Variants in LARGE1 observed in about 807,000 individuals in gnomAD.
The protein encoded by LARGE1 is LARGE xylosyl- and glucuronyltransferase 1.
Under a neutral mutation model 87.6 loss-of-function variants are expected in LARGE1, and 43 were observed. The observed-to-expected ratio is 0.49, with a 90% CI of 0.38 to 0.63. The LOEUF (loss-of-function observed/expected upper bound fraction) is 0.63, where lower values mean the gene tolerates loss of function less well. Ranked by LOEUF, LARGE1 falls within the 30% of genes least tolerant of loss-of-function variation. LARGE1 has a pLI of 0.00. For synonymous variants in LARGE1, 434 were observed against 394.6 expected, an observed-to-expected ratio of 1.10 and a Z score of -1.18; for missense variants, 802 against 1,000.2, an observed-to-expected ratio of 0.80 and a Z score of 2.67.
At chr22:33,384,396 G>A (rs111383242) in intron 7 of LARGE1, 92 bp from the exon 8 acceptor site, 693 of 909,322 alleles carry the variant, frequency 7.6e-4, no homozygotes, top group African/African-American at 2.4e-3. Context: ...ACAGTCTCTC[G>A]GGGATGATTG....
At chr22:33,551,031 C>A (rs774176223) in intron 6 of LARGE1, among the ~76,000 whole-genome samples, 18 of 151,966 alleles carry the variant, frequency 1.2e-4, no homozygotes, top group South Asian at 2.1e-4. Flanking sequence ...GAAAAACAGA[C>A]AATGGAAACT....
At chr22:33,842,906 G>A (rs895995855) in intron 1 of LARGE1, among the ~76,000 whole-genome samples, 1 of 131,088 alleles carries the variant, frequency 7.6e-6, no homozygotes, top group African/African-American at 2.9e-5. Context: ...TCCCATTCTA[G>A]CACAAACAAA....
intron 6 of LARGE1, among the ~76,000 whole-genome samples, chr22:33,562,005 T>C (rs2077877899): frequency 6.6e-6 from 1 of 152,216 alleles, no homozygotes; most frequent in African/African-American, 2.4e-5. Flanking sequence ...TCTCAAAAAG[T>C]GAAAAATTAG....
chr22:33,918,204 A>G (rs1375847964), intron 1 of LARGE1, among the ~76,000 whole-genome samples: 1 of 152,198 alleles, frequency 6.6e-6, no homozygotes, highest in Non-Finnish European at 1.5e-5. Context: ...TTAAAAGCCA[A>G]AGGAATCTGC....
chr22:33,813,747 T>C (rs920574701), intron 1 of LARGE1, among the ~76,000 whole-genome samples: 6 of 152,152 alleles, frequency 3.9e-5, no homozygotes, highest in African/African-American at 1.4e-4. Flanking sequence ...CATCCTTTTC[T>C]CCATCTTGAC....
intron 13 of LARGE1, among the ~76,000 whole-genome samples, chr22:33,279,441 C>G (rs1164905559): frequency 1.3e-5 from 2 of 152,196 alleles, no homozygotes; most frequent in Non-Finnish European, 2.9e-5. Flanking sequence ...CACTTTCTGG[C>G]AGGGAATGCA....
chr22:33,345,842 C>T (rs954494892), intron 9 of LARGE1, among the ~76,000 whole-genome samples: 8 of 152,230 alleles, frequency 5.3e-5, no homozygotes, highest in African/African-American at 1.9e-4. Context: ...GCCAATACTT[C>T]TGATGCACTT....
the LARGE1 span, among the ~76,000 whole-genome samples, chr22:33,122,086 G>A: frequency 6.6e-6 from 1 of 152,140 alleles, no homozygotes; most frequent in Admixed American, 6.5e-5. Context: ...GAAAATTAAG[G>A]ATCTGGATTG....
At chr22:33,178,784 T>C (rs57464839) in intron 11 of LARGE1, among the ~76,000 whole-genome samples, 4,591 of 152,312 alleles carry the variant, frequency 0.03, 96 homozygotes, top group Admixed American at 0.057. Context: ...CAGTTTATAT[T>C]TGAACACTCA....
intron 2 of LARGE1, among the ~76,000 whole-genome samples, chr22:33,730,999 ATTTTTTT>A (rs376692050): frequency 6.0e-5 from 7 of 115,950 alleles, no homozygotes; most frequent in South Asian, 5.5e-4. Flanking sequence ...CCAGCCTGCA[ATTTTTTT>A]TTTTTTTTTT....
intron 2 of LARGE1, among the ~76,000 whole-genome samples, chr22:33,702,956 C>T (rs1180912525): frequency 6.6e-6 from 1 of 152,056 alleles, no homozygotes; most frequent in Non-Finnish European, 1.5e-5. Context: ...AGGAGTTACC[C>T]TGGCAAAGAA....
chr22:33,294,641 C>G (rs1189125179), intron 12 of LARGE1, among the ~76,000 whole-genome samples: 1 of 152,194 alleles, frequency 6.6e-6, no homozygotes, highest in African/African-American at 2.4e-5. Flanking sequence ...CATGTTGGGT[C>G]TGCATCTTCT....
At chr22:33,284,698 C>A (rs1178179308) in intron 12 of LARGE1, among the ~76,000 whole-genome samples, 1 of 152,120 alleles carries the variant, frequency 6.6e-6, no homozygotes, top group Non-Finnish European at 1.5e-5. Context: ...CTGTCTCAGT[C>A]TCCCGAGTAG....
intron 4 of LARGE1, among the ~76,000 whole-genome samples, chr22:33,625,555 A>G (rs955588042): frequency 6.6e-6 from 1 of 152,226 alleles, no homozygotes; most frequent in Non-Finnish European, 1.5e-5. Context: ...CCCACACCAG[A>G]ATAGAGGAAG....
chr22:33,785,145 A>G (rs569624980), intron 1 of LARGE1, among the ~76,000 whole-genome samples: 1 of 144,140 alleles, frequency 6.9e-6, no homozygotes, highest in East Asian at 2.0e-4. Flanking sequence ...ATACATACAT[A>G]TGTGTATATA....
At chr22:33,357,162 G>T (rs1198049297) in intron 9 of LARGE1, among the ~76,000 whole-genome samples, 1 of 130,040 alleles carries the variant, frequency 7.7e-6, no homozygotes, top group Middle Eastern at 3.7e-3. Flanking sequence ...TGGAGTGTAG[G>T]TATATATATA....
At position 33,728,670 on chromosome 22, in the gene LARGE1, T is replaced by G. The variant is rs150290630; in HGVS notation, c.106+32701A>C. On this transcript the variant is annotated intron_variant, in intron 2 of 14. Transcript: ENST00000397394. ...CACTCCAGGACAGACACACTCCCAG[T>G]AGGCAATGCCTGTTAGGCAGGTAGG... Among the ~76,000 whole-genome samples the G allele has an allele frequency of 5.0e-3, 756 of 151,146 alleles. 4 individuals are homozygous for G. The highest frequency in any genetic ancestry group is 0.014 in the Middle Eastern group (4 of 288).
At chr22:33,467,111 C>G (rs1247082706) in intron 6 of LARGE1, among the ~76,000 whole-genome samples, 3 of 152,224 alleles carry the variant, frequency 2.0e-5, no homozygotes, top group Non-Finnish European at 4.4e-5. Context: ...ATTGTTTCAA[C>G]TGTGTCTTCC....
chr22:33,488,015 G>A (rs2069662569), intron 6 of LARGE1, among the ~76,000 whole-genome samples: 2 of 152,156 alleles, frequency 1.3e-5, no homozygotes, highest in Non-Finnish European at 2.9e-5. Context: ...TAAAAGTACT[G>A]GGGAGGAATT....
Sources: gnomAD v4.1 joint callset for allele counts (sites outside exome capture counted in the v4.1 genomes callset) on GRCh38, gnomAD v4.1.1 for gene constraint, MANE v1.5 for transcripts, NCBI Gene and HGNC (gene_info 2026-07-23, HGNC 2026-07-21) for gene names.